Variants in FMO5 observed in about 807,000 individuals in gnomAD.
The protein encoded by FMO5 is flavin containing dimethylaniline monoxygenase 5.
FMO5 carries 51 observed loss-of-function variants against 43.6 expected under a neutral mutation model. That is an observed-to-expected ratio of 1.17 (90% CI 0.93 to 1.48). The LOEUF (loss-of-function observed/expected upper bound fraction) is 1.48. FMO5 is among the 40% of genes most tolerant of loss of function. The probability of loss-of-function intolerance (pLI) is 0.00; values close to 1 mark genes in which losing one functional copy is unlikely to be tolerated. For missense variants in FMO5, 644 were observed against 643.0 expected (o/e 1.00, Z -0.02); for synonymous variants, 187 against 216.5 (o/e 0.86, Z 1.20).
chr1:147,189,574 A>T (rs1164670705), intron 8 of FMO5, among the ~76,000 whole-genome samples: 1 of 152,148 alleles, frequency 6.6e-6, no homozygotes, highest in Non-Finnish European at 1.5e-5. Context: ...ATCAATTTCC[A>T]CTTTGTCCAA....
intron 5 of FMO5, chr1:147,209,893 C>T (rs1553923422): frequency 1.3e-5 from 2 of 152,178 alleles, no homozygotes; most frequent in African/African-American, 4.8e-5. Flanking sequence ...ATTACAAAAA[C>T]CCCTGCTATT....
At chr1:147,215,292 A>G (rs1661801979) in intron 3 of FMO5, 1 of 152,662 alleles carries the variant, frequency 6.6e-6, no homozygotes, top group African/African-American at 2.4e-5. Context: ...CCTCTACACC[A>G]GAGTTAACTA....
At chr1:147,204,893 T>C (rs111886872) in intron 6 of FMO5, 1 of 1,585,752 alleles carries the variant, frequency 6.3e-7, no homozygotes. Flanking sequence ...TCCTTGAGCA[T>C]CTGGGCGAAG....
intron 6 of FMO5, among the ~76,000 whole-genome samples, chr1:147,205,504 C>T (rs1193964125): frequency 6.6e-6 from 1 of 152,096 alleles, no homozygotes; most frequent in South Asian, 2.1e-4. Context: ...TTTAGAGACT[C>T]TCTACAAAAC....
At chr1:147,223,845 G>T in intron 2 of FMO5, 1 of 299,570 alleles carries the variant, frequency 3.3e-6, no homozygotes, top group Admixed American at 4.7e-5. Context: ...CTGCTTACGC[G>T]GGCCCACAAG....
chr1:147,206,990 G>GT (rs1553922505), intron 6 of FMO5, among the ~76,000 whole-genome samples: 1 of 151,600 alleles, frequency 6.6e-6, no homozygotes. Flanking sequence ...AAATGTAATG[G>GT]TGTGATTGAT....
intron 3 of FMO5, 74 bp downstream of exon 3, chr1:147,215,680 T>A (rs1822312): frequency 0.036 from 39,070 of 1,086,416 alleles, 818 homozygotes; most frequent in African/African-American, 0.071. Context: ...AAGTAAACAT[T>A]GGTAACTGAA....
At chr1:147,194,812 C>G (rs1207181160) in intron 7 of FMO5, among the ~76,000 whole-genome samples, 1 of 151,994 alleles carries the variant, frequency 6.6e-6, no homozygotes, top group African/African-American at 2.4e-5. Flanking sequence ...AAATTCTTTT[C>G]TTTAAGAATG....
intron 3 of FMO5, among the ~76,000 whole-genome samples, chr1:147,214,424 C>T (rs1661594020): frequency 6.7e-6 from 1 of 149,508 alleles, no homozygotes; most frequent in Admixed American, 6.7e-5. Context: ...GTACTCCAGC[C>T]TGGGCAACAG....
At chr1:147,207,259 G>C (rs967516533) in intron 6 of FMO5, among the ~76,000 whole-genome samples, 1 of 152,124 alleles carries the variant, frequency 6.6e-6, no homozygotes, top group East Asian at 1.9e-4. Context: ...TGCTCTATAT[G>C]TATGGACCTA....
intron 7 of FMO5, among the ~76,000 whole-genome samples, chr1:147,197,395 T>C (rs1303794925): frequency 6.6e-6 from 1 of 152,048 alleles, no homozygotes; most frequent in Non-Finnish European, 1.5e-5. Context: ...TCATTAAGCG[T>C]CTGTTTACTT....
At chr1:147,218,472 G>A (rs782153302) in intron 2 of FMO5, among the ~76,000 whole-genome samples, 112 of 151,964 alleles carry the variant, frequency 7.4e-4, no homozygotes, top group Non-Finnish European at 1.4e-3. Flanking sequence ...TCCTGACCTC[G>A]TGATCCGCCC....
In FMO5 at chr1:147,192,535, T is replaced by C. The variant is rs587735668; in HGVS notation, c.1184-2286A>G. ...TCCTGCCTAATTGCCCTGGCCAGAA[T>C]ATCCAACACTCTGTTGAATAGGAGT... On this transcript the variant is annotated intron_variant, in intron 7 of 8. Transcript: ENST00000254090. Among the ~76,000 whole-genome samples the C allele has an allele frequency of 5.3e-3, 790 of 149,454 alleles. 15 individuals are homozygous for C. Among genetic ancestry groups the C allele is most frequent in the African/African-American group, 0.019 (746 of 38,820 alleles).
At chr1:147,213,113 T>G (rs1661359509) in intron 4 of FMO5, among the ~76,000 whole-genome samples, 195 bp downstream of exon 4, 1 of 152,146 alleles carries the variant, frequency 6.6e-6, no homozygotes, top group Admixed American at 6.5e-5. Flanking sequence ...AGACTGCAAA[T>G]TTTGCTCTAA....
intron 2 of FMO5, among the ~76,000 whole-genome samples, chr1:147,219,285 C>T (rs1383054063): frequency 6.6e-6 from 1 of 152,060 alleles, no homozygotes; most frequent in Non-Finnish European, 1.5e-5. Flanking sequence ...TGTATAATCG[C>T]TCCCTGTTAG....
intron 2 of FMO5, among the ~76,000 whole-genome samples, chr1:147,219,009 C>A (rs1662512429): frequency 6.6e-6 from 1 of 152,120 alleles, no homozygotes; most frequent in African/African-American, 2.4e-5. Flanking sequence ...CTGTGAGAAA[C>A]CCGAGAGTAG....
At chr1:147,202,646 A>G (rs999776785) in intron 6 of FMO5, among the ~76,000 whole-genome samples, 1 of 152,112 alleles carries the variant, frequency 6.6e-6, no homozygotes, top group South Asian at 2.1e-4. Context: ...CCTGAATACT[A>G]TATTAACTCA....
At chr1:147,198,889 G>C (rs1286032220) in intron 7 of FMO5, among the ~76,000 whole-genome samples, 1 of 149,544 alleles carries the variant, frequency 6.7e-6, no homozygotes, top group Non-Finnish European at 1.5e-5. Flanking sequence ...AGAAAGATGG[G>C]CCTGAAATTG....
chr1:147,225,899 A>T (rs1169304568), upstream of FMO5: 1 of 152,208 alleles, frequency 6.6e-6, no homozygotes, highest in African/African-American at 2.4e-5. Context: ...TTAAAGGCTT[A>T]CAACTTTAAG....
Sources: gnomAD v4.1 joint callset for allele counts (sites outside exome capture counted in the v4.1 genomes callset) on GRCh38, gnomAD v4.1.1 for gene constraint, MANE v1.5 for transcripts, NCBI Gene and HGNC (gene_info 2026-07-23, HGNC 2026-07-21) for gene names.